COL11A1: variants seen among roughly 807,000 people sequenced by gnomAD.
COL11A1 encodes the protein collagen type XI alpha 1 chain.
In COL11A1, 74 loss-of-function variants were observed where a neutral mutation model predicts 265.2. The observed-to-expected ratio is 0.28, with a 90% CI of 0.23 to 0.34. COL11A1 has a LOEUF of 0.34. Ranked by LOEUF, COL11A1 falls within the 10% of genes least tolerant of loss-of-function variation. COL11A1 has a pLI of 1.00. For missense variants in COL11A1, 2,165 were observed against 2,263.6 expected (o/e 0.96, Z 0.88); for synonymous variants, 816 against 727.6 (o/e 1.12, Z -1.96).
At chr1:103,015,875 A>G (rs558950009) in intron 11 of COL11A1, 133 bp from the exon 12 acceptor site, 4 of 610,136 alleles carry the variant, frequency 6.6e-6, no homozygotes, top group East Asian at 3.0e-5. Context: ...GTCTGTTTTT[A>G]GTAAGTATAC....
rs750449992 is a variant in COL11A1, at chr1:103,008,454, A to G, written c.1683+9T>C. On this transcript the variant is annotated intron_variant, in intron 15 of 66. Coordinates refer to ENST00000370096, the MANE Select transcript of COL11A1 (RefSeq NM_001854.4). ...GTCAAGAATAAAAAGTCAAATTTTT[A>G]TTTTTTACCTGAGGACCTGGATCAC... is the stretch of plus-strand genomic sequence containing the variant. 3.1e-6 allele frequency: 5 copies of G among 1,612,908 alleles called. No homozygotes were observed. The highest frequency in any genetic ancestry group is 4.2e-6 in the Non-Finnish European group (5 of 1,179,112).
intron 18 of COL11A1, 53 bp downstream of exon 18, chr1:103,005,784 AT>A: frequency 1.2e-6 from 2 of 1,602,372 alleles, no homozygotes; most frequent in South Asian, 2.2e-5. Context: ...ATTGTTATCA[AT>A]TCTAAAATAT....
chr1:103,012,152 G>C (rs566859942), intron 14 of COL11A1, among the ~76,000 whole-genome samples: 17 of 152,142 alleles, frequency 1.1e-4, no homozygotes, highest in Admixed American at 4.6e-4. Context: ...GATACTTATA[G>C]TTTAAGAAAT....
intron 56 of COL11A1, 118 bp from the exon 57 acceptor site, chr1:102,898,296 A>G (rs1046166135): frequency 2.9e-5 from 12 of 412,660 alleles, no homozygotes; most frequent in Non-Finnish European, 4.6e-5. Flanking sequence ...CTTAAGTTCC[A>G]CCATATGGAG....
intron 13 of COL11A1, 145 bp from the exon 14 acceptor site, chr1:103,012,614 T>G: frequency 1.5e-6 from 1 of 680,748 alleles, no homozygotes; most frequent in Non-Finnish European, 2.6e-6. Flanking sequence ...GTCAGGTTAC[T>G]GAAGAACTGC....
chr1:102,941,700 G>A (rs2101326122), intron 42 of COL11A1, among the ~76,000 whole-genome samples: 1 of 152,148 alleles, frequency 6.6e-6, no homozygotes, highest in Admixed American at 6.5e-5. Flanking sequence ...TCAATGCCTT[G>A]TCCAAGGAAA....
At chr1:102,905,228 T>TG (rs896230962) in intron 54 of COL11A1, among the ~76,000 whole-genome samples, 10 of 71,876 alleles carry the variant, frequency 1.4e-4, no homozygotes, top group African/African-American at 2.6e-4. Context: ...TGTTGTGGGG[T>TG]GGGGGGAGGG....
chr1:103,039,588 G>A (rs1322920973), intron 4 of COL11A1, among the ~76,000 whole-genome samples: 2 of 151,630 alleles, frequency 1.3e-5, no homozygotes, highest in African/African-American at 4.8e-5. Flanking sequence ...AGGCAAGAAC[G>A]CTCGGACAGA....
chr1:103,071,092 TA>T (rs1219246915), intron 4 of COL11A1, among the ~76,000 whole-genome samples: 7 of 151,930 alleles, frequency 4.6e-5, no homozygotes, highest in Non-Finnish European at 8.8e-5. Flanking sequence ...CTGAGGAGTT[TA>T]AAAAAATGCA....
At chr1:103,105,889 G>A (rs1168425376) in intron 1 of COL11A1, among the ~76,000 whole-genome samples, 1 of 152,036 alleles carries the variant, frequency 6.6e-6, no homozygotes, top group Non-Finnish European at 1.5e-5. Context: ...GGCCTCCCAG[G>A]AAAAATGAGC....
chr1:103,002,707 T>A (rs1414688524), intron 22 of COL11A1, 40 bp downstream of exon 22: 12 of 1,566,946 alleles, frequency 7.7e-6, no homozygotes, highest in African/African-American at 1.4e-5. Flanking sequence ...TTAGGGCTTA[T>A]ATTCAAATAT....
At chr1:102,918,087 T>C (rs756511711) in intron 49 of COL11A1, among the ~76,000 whole-genome samples, 3 of 151,478 alleles carry the variant, frequency 2.0e-5, no homozygotes, top group Admixed American at 1.3e-4. Context: ...ATATTTCTAA[T>C]ACCAAAATGC....
intron 54 of COL11A1, among the ~76,000 whole-genome samples, chr1:102,901,948 A>G (rs1424294868): frequency 1.3e-5 from 2 of 152,230 alleles, no homozygotes; most frequent in Non-Finnish European, 1.5e-5. Context: ...AAACACAGAT[A>G]CAAAAATTAA....
chr1:102,982,354 A>C (rs1197382208), intron 31 of COL11A1, among the ~76,000 whole-genome samples: 3 of 152,026 alleles, frequency 2.0e-5, no homozygotes, highest in African/African-American at 7.2e-5. Context: ...TAATATTGTG[A>C]CAGATTCCTA....
chr1:102,935,065 T>A lies in COL11A1; in HGVS notation c.3487A>T (p.Ile1163Phe). 1 of 1,614,048 alleles carries A rather than the reference T, an allele frequency of 6.2e-7. No individual in the cohort carries two copies. The highest frequency in any genetic ancestry group is 1.1e-5 in the South Asian group (1 of 91,080). Residue 1163 changes from isoleucine to phenylalanine, a missense_variant, in exon 45 of 67, where the codon ATT becomes TTT. By Grantham distance (21) the Ile-to-Phe change is conservative (BLOSUM62 0). Coordinates refer to ENST00000370096, the MANE Select transcript of COL11A1 (RefSeq NM_001854.4). ...GAACAATGTGGAATACTCACAGCAA[T>A]TCCAGGGGCACCAACTGGTCCTTGA... The part of the protein sequence containing the change: ...GLQGPVGAPG[I>F]AGGDGEPGPR...
chr1:102,897,024 T>C (rs1570658455), intron 57 of COL11A1, among the ~76,000 whole-genome samples: 1 of 152,172 alleles, frequency 6.6e-6, no homozygotes, highest in East Asian at 1.9e-4. Flanking sequence ...ACTGATCATC[T>C]CCTGCTTGAA....
At chr1:103,050,948 T>C (rs1163417310) in intron 4 of COL11A1, among the ~76,000 whole-genome samples, 1 of 152,180 alleles carries the variant, frequency 6.6e-6, no homozygotes, top group African/African-American at 2.4e-5. Flanking sequence ...TGCGGCCTGA[T>C]TGTTCCTCTG....
At chr1:103,042,654 C>CT (rs1668903907) in intron 4 of COL11A1, among the ~76,000 whole-genome samples, 1 of 151,984 alleles carries the variant, frequency 6.6e-6, no homozygotes, top group Admixed American at 6.6e-5. Context: ...GTCTGGGACC[C>CT]TTATCACTAT....
intron 43 of COL11A1, 130 bp from the exon 44 acceptor site, chr1:102,939,218 G>A: frequency 1.2e-6 from 1 of 843,526 alleles, no homozygotes; most frequent in East Asian, 2.6e-5. Context: ...GTTTAAAATG[G>A]AAAATCTTGG....
Sources: allele counts gnomAD v4.1 joint callset (sites outside exome capture counted in the v4.1 genomes callset), GRCh38; gene constraint gnomAD v4.1.1; transcripts MANE v1.5; gene names NCBI Gene and HGNC (gene_info 2026-07-23, HGNC 2026-07-21).